RTN4IP1: variants seen among roughly 807,000 people sequenced by gnomAD.
RTN4IP1 encodes the protein reticulon 4 interacting protein 1, also known as NAD(P)H oxidoreductase RTN4IP1, mitochondrial.
In RTN4IP1, 32 loss-of-function variants were observed where a neutral mutation model predicts 46.6. The ratio of observed to expected loss-of-function variants is 0.69; its 90% CI spans 0.52 to 0.92. The LOEUF (loss-of-function observed/expected upper bound fraction) is 0.92, where lower values mean the gene tolerates loss of function less well. Ranked by LOEUF, RTN4IP1 falls within the 40% of genes least tolerant of loss-of-function variation. The pLI is 0.00. For synonymous variants in RTN4IP1, 167 were observed against 161.8 expected, an observed-to-expected ratio of 1.03 and a Z score of -0.24; for missense variants, 424 against 485.8, an observed-to-expected ratio of 0.87 and a Z score of 1.20.
chr6:106,605,012 A>G (rs1776028159), intron 4 of RTN4IP1, among the ~76,000 whole-genome samples: 1 of 152,122 alleles, frequency 6.6e-6, no homozygotes, highest in Non-Finnish European at 1.5e-5. Flanking sequence ...CCTCATGCAC[A>G]ATGACCACAG....
intron 3 of RTN4IP1, among the ~76,000 whole-genome samples, chr6:106,619,635 G>A (rs1247334713): frequency 8.9e-4 from 119 of 133,126 alleles, no homozygotes; most frequent in African/African-American, 3.1e-3. Context: ...TTTTTGAGAC[G>A]GAGACTTGCT....
At chr6:106,580,364 C>T (rs1333678400) in intron 8 of RTN4IP1, among the ~76,000 whole-genome samples, 2 of 151,904 alleles carry the variant, frequency 1.3e-5, no homozygotes, top group African/African-American at 2.4e-5. Flanking sequence ...AGAAGGTAGG[C>T]CACAAGATAA....
rs547657388 is a variant in RTN4IP1 at position 106,607,035 on chromosome 6, A to G, written c.621-4113T>C. Among the ~76,000 whole-genome samples, 12 of 152,336 alleles carry G rather than the reference A, an allele frequency of 7.9e-5. No individual in the cohort carries two copies. In the South Asian group the frequency reaches 2.5e-3, roughly 32 times the overall value. On this transcript the variant is annotated intron_variant, in intron 4 of 8. Transcript: ENST00000369063. ...GCTACAGTAACCAAAACAACATGGT[A>G]CTGGTATAAAAACAGATACATAGAC...
intron 5 of RTN4IP1, among the ~76,000 whole-genome samples, chr6:106,598,144 C>T (rs1460497310): frequency 9.9e-5 from 15 of 152,038 alleles, no homozygotes; most frequent in African/African-American, 2.7e-4. Context: ...TGAATAATGC[C>T]GCAATAAACA....
rs73508204 is a variant in RTN4IP1 at position 106,591,349 on chromosome 6, C to T, written c.806+815G>A. ...TGAGTTGGCTGGCTGCTGCTGGGTGCACCACCAAACTACTGCTAGAAGTTG... is the reference window on the plus strand; with the variant it reads ...TGAGTTGGCTGGCTGCTGCTGGGTGTACCACCAAACTACTGCTAGAAGTTG... On this transcript the variant is annotated intron_variant, in intron 6 of 8. Transcript: ENST00000369063. 4.5e-3 allele frequency among the ~76,000 whole-genome samples: 681 copies of T among 152,246 alleles called. 4 individuals carry two copies. The highest frequency in any genetic ancestry group is 0.016 in the African/African-American group (649 of 41,524).
intron 2 of RTN4IP1, among the ~76,000 whole-genome samples, chr6:106,622,422 C>T (rs1776505611): frequency 6.6e-6 from 1 of 152,112 alleles, no homozygotes; most frequent in Non-Finnish European, 1.5e-5. Flanking sequence ...CTGAAAGCAG[C>T]CTAATTCTCT....
intron 4 of RTN4IP1, among the ~76,000 whole-genome samples, chr6:106,616,757 T>C (rs1040023926): frequency 2.6e-5 from 4 of 152,242 alleles, no homozygotes; most frequent in Non-Finnish European, 5.9e-5. Flanking sequence ...TTTAAGGTGC[T>C]CACATCTCTC....
In RTN4IP1 at chr6:106,571,763, G is replaced by C; in HGVS notation, c.*233C>G. The C allele has an allele frequency of 2.2e-6, 1 of 455,572 alleles. No individual in the cohort carries two copies. Among genetic ancestry groups the C allele is most frequent in the South Asian group, 2.7e-5 (1 of 37,124 alleles). 28.2% of individuals were successfully genotyped at this position (455,572 alleles called of 1,614,324 possible). The stretch of plus-strand genomic sequence containing the variant: ...TGCCACAACAACCTGCAAAGCCAGT[G>C]TGAAGGAACAGCTTGAAAAAACTTC... On this transcript the variant is annotated 3_prime_UTR_variant, in exon 9 of 9. Coordinates refer to ENST00000369063, the MANE Select transcript of RTN4IP1 (RefSeq NM_032730.5).
At chr6:106,579,109 G>A (rs568108473) in intron 8 of RTN4IP1, among the ~76,000 whole-genome samples, 30 of 151,868 alleles carry the variant, frequency 2.0e-4, no homozygotes, top group African/African-American at 4.6e-4. Flanking sequence ...GGTGGCAGGC[G>A]CCTGTAGTCC....
At chr6:106,583,443 T>C (rs1562133124) in intron 7 of RTN4IP1, 23 bp from the exon 8 acceptor site, 2 of 1,570,286 alleles carry the variant, frequency 1.3e-6, no homozygotes, top group Non-Finnish European at 1.8e-6. Context: ...AAACAAAACA[T>C]GTCAAATACA....
chr6:106,610,066 A>G (rs972093210), intron 4 of RTN4IP1, among the ~76,000 whole-genome samples: 2 of 145,738 alleles, frequency 1.4e-5, no homozygotes, highest in African/African-American at 5.1e-5. Context: ...AGGCAAAATA[A>G]ATTTTTTTTT....
intron 8 of RTN4IP1, among the ~76,000 whole-genome samples, chr6:106,576,765 C>T (rs894532093): frequency 1.3e-5 from 2 of 152,228 alleles, no homozygotes; most frequent in Non-Finnish European, 2.9e-5. Context: ...GCACTTGCTA[C>T]ATTTCAAGTG....
chr6:106,580,948 C>T (rs1034929933), intron 8 of RTN4IP1, among the ~76,000 whole-genome samples: 15 of 149,474 alleles, frequency 1.0e-4, no homozygotes, highest in African/African-American at 3.7e-4. Context: ...GCTTTTATAT[C>T]CTGACATAAA....
At chr6:106,581,340 G>A (rs567452002) in intron 8 of RTN4IP1, among the ~76,000 whole-genome samples, 73 of 152,278 alleles carry the variant, frequency 4.8e-4, no homozygotes, top group Non-Finnish European at 7.9e-4. Flanking sequence ...ATCATGAAGC[G>A]CTCAGCCAAA....
At chr6:106,594,558 G>T (rs1238851837) in intron 5 of RTN4IP1, among the ~76,000 whole-genome samples, 2 of 151,726 alleles carry the variant, frequency 1.3e-5, no homozygotes, top group Admixed American at 1.3e-4. Context: ...CAGCTATAGG[G>T]TGAACACCAC....
intron 8 of RTN4IP1, 22 bp from the exon 9 acceptor site, chr6:106,572,125 C>T (rs1230347988): frequency 3.2e-6 from 5 of 1,567,402 alleles, no homozygotes; most frequent in Non-Finnish European, 4.4e-6. Context: ...AAGAGGTTGA[C>T]CGGTGGATAA....
intron 1 of RTN4IP1, 33 bp downstream of exon 1, chr6:106,628,715 T>TA: frequency 6.4e-7 from 1 of 1,571,372 alleles, no homozygotes; most frequent in Non-Finnish European, 8.7e-7. Flanking sequence ...GTGATTTTTT[T>TA]AAAAAAGGTA....
chr6:106,627,141 GAAAA>G (rs11387767), intron 1 of RTN4IP1, among the ~76,000 whole-genome samples: 1 of 146,880 alleles, frequency 6.8e-6, no homozygotes, highest in Non-Finnish European at 1.5e-5. Flanking sequence ...AAAGGTAGGA[GAAAA>G]AAAAAAAGAG....
At chr6:106,573,639 T>C (rs527550133) in intron 8 of RTN4IP1, among the ~76,000 whole-genome samples, 1 of 152,240 alleles carries the variant, frequency 6.6e-6, no homozygotes, top group Non-Finnish European at 1.5e-5. Context: ...ATTTTACAGA[T>C]GAATAAATCA....
Sources: gnomAD v4.1 joint callset for allele counts (sites outside exome capture counted in the v4.1 genomes callset) on GRCh38, gnomAD v4.1.1 for gene constraint, MANE v1.5 for transcripts, NCBI Gene and HGNC (gene_info 2026-07-23, HGNC 2026-07-21) for gene names.